MAP1B: variants seen among roughly 807,000 people sequenced by gnomAD.
The protein encoded by MAP1B is microtubule-associated protein 1B.
MAP1B carries 12 observed loss-of-function variants against 176.1 expected under a neutral mutation model. The observed-to-expected ratio is 0.07, with a 90% CI of 0.04 to 0.11. MAP1B has a LOEUF of 0.11. Ranked by LOEUF, MAP1B falls within the 10% of genes least tolerant of loss-of-function variation. The probability of loss-of-function intolerance (pLI) is 1.00; values close to 1 mark genes in which losing one functional copy is unlikely to be tolerated. For synonymous variants in MAP1B, 1,044 were observed against 1,135.0 expected (o/e 0.92, Z 1.61); for missense variants, 2,523 against 2,990.5 (o/e 0.84, Z 3.65).
chr5:72,124,474 G>C (rs1314419049), intron 2 of MAP1B, among the ~76,000 whole-genome samples: 1 of 152,182 alleles, frequency 6.6e-6, no homozygotes, highest in African/African-American at 2.4e-5. Context: ...ATAAAAGTAA[G>C]TAATTAGGAA....
chr5:72,155,466 A>G (rs1746210767), intron 2 of MAP1B, among the ~76,000 whole-genome samples: 1 of 152,266 alleles, frequency 6.6e-6, no homozygotes, highest in South Asian at 2.1e-4. Flanking sequence ...ACTAACAATA[A>G]GAATATGTGA....
chr5:72,193,784 C>A, intron 4 of MAP1B, 82 bp from the exon 5 acceptor site: 1 of 1,417,900 alleles, frequency 7.1e-7, no homozygotes, highest in Non-Finnish European at 9.4e-7. Flanking sequence ...TCCTGTAACA[C>A]ATAGTTATAG....
intron 2 of MAP1B, among the ~76,000 whole-genome samples, chr5:72,152,263 A>G (rs1356172315): frequency 1.3e-5 from 2 of 151,998 alleles, no homozygotes; most frequent in East Asian, 3.9e-4. Context: ...GAGTGGAGAG[A>G]GGGACACAGT....
intron 2 of MAP1B, among the ~76,000 whole-genome samples, chr5:72,149,706 A>T (rs899035716): frequency 6.6e-6 from 1 of 152,176 alleles, no homozygotes; most frequent in Non-Finnish European, 1.5e-5. Context: ...TAGTGGGCTG[A>T]TGGGTTGGAA....
At chr5:72,146,950 A>G (rs1487357914) in intron 2 of MAP1B, among the ~76,000 whole-genome samples, 1 of 149,196 alleles carries the variant, frequency 6.7e-6, no homozygotes, top group African/African-American at 2.5e-5. Flanking sequence ...AATACATTTT[A>G]TCCAAATCTT....
chr5:72,193,333 C>A, intron 4 of MAP1B: 1 of 362,950 alleles, frequency 2.8e-6, no homozygotes, highest in South Asian at 2.0e-5. Context: ...TTTAAGGTAT[C>A]CATCAGGCCT....
intron 2 of MAP1B, among the ~76,000 whole-genome samples, chr5:72,173,021 C>T (rs986135829): frequency 1.3e-5 from 2 of 152,222 alleles, no homozygotes; most frequent in East Asian, 3.8e-4. Context: ...TGGTCTCCAT[C>T]CCAGTTCCGC....
intron 2 of MAP1B, among the ~76,000 whole-genome samples, chr5:72,161,943 C>A (rs138730185): frequency 2.9e-5 from 3 of 104,864 alleles, no homozygotes; most frequent in East Asian, 2.4e-4. Flanking sequence ...GGTGACAAAG[C>A]GAAATTCCGT....
chr5:72,194,708 C>A lies in MAP1B; in HGVS notation c.1353C>A (p.Phe451Leu). 1 of 1,614,180 alleles carries A rather than the reference C, an allele frequency of 6.2e-7. No homozygotes were observed. The highest frequency in any genetic ancestry group is 8.5e-7 in the Non-Finnish European group (1 of 1,180,028). Residue 451 changes from phenylalanine (F) to leucine (L), a missense_variant, in exon 5 of 7, where the codon TTC becomes TTA. By Grantham distance (22) the Phe-to-Leu change is conservative. Coordinates refer to ENST00000296755, the MANE Select transcript of MAP1B (RefSeq NM_005909.5). The surrounding 1 kb of genome is among the most constrained non-coding windows in gnomAD (Gnocchi z 7.2). ...GTACCAACAAAGACAAGGCTGAATT[C>A]ATTCTGCCTAATGGTCAAGAAGTAG... ...WTGTNKDKAEFILPNGQEVDL... is the reference protein window; with the variant it reads ...WTGTNKDKAELILPNGQEVDL...
In MAP1B at chr5:72,197,217, G is replaced by A. The variant is rs1224872405; in HGVS notation, c.3862G>A (p.Val1288Ile). 3 of 1,614,206 alleles carry A rather than the reference G, an allele frequency of 1.9e-6. No individual in the cohort carries two copies. The highest frequency in any genetic ancestry group is 2.5e-6 in the Non-Finnish European group (3 of 1,180,040). The change falls in exon 5 of 7, where the codon GTC becomes ATC. Residue 1288 changes from valine (V) to isoleucine (I), a missense_variant. This residue lies in a region of MAP1B where 1,925 missense variants were observed against 2,126.0 expected (regional missense o/e 0.91). Coordinates refer to ENST00000296755, the MANE Select transcript of MAP1B (RefSeq NM_005909.5). ...NFSLTPNEIKVSAEAEVAPVS... is the reference protein window; with the variant it reads ...NFSLTPNEIKISAEAEVAPVS... ...CTCTCTGACGCCCAATGAGATTAAA[G>A]TCTCTGCAGAGGCAGAAGTAGCCCC...
chr5:72,142,849 G>A (rs937680550), intron 2 of MAP1B, among the ~76,000 whole-genome samples: 2 of 152,066 alleles, frequency 1.3e-5, no homozygotes, highest in African/African-American at 4.8e-5. Flanking sequence ...TTTCGACTGT[G>A]TTTTTTATTC....
At chr5:72,125,422 C>T (rs1745609544) in intron 2 of MAP1B, among the ~76,000 whole-genome samples, 1 of 152,138 alleles carries the variant, frequency 6.6e-6, no homozygotes, top group Non-Finnish European at 1.5e-5. Flanking sequence ...TATGGTATCT[C>T]CTTTTGAAGG....
At chr5:72,122,504 A>T (rs1579983159) in intron 2 of MAP1B, among the ~76,000 whole-genome samples, 1 of 152,216 alleles carries the variant, frequency 6.6e-6, no homozygotes, top group African/African-American at 2.4e-5. Context: ...ATACAAGGGA[A>T]TTTTTTCCCT....
At chr5:72,131,749 A>T (rs1272600625) in intron 2 of MAP1B, among the ~76,000 whole-genome samples, 1 of 152,216 alleles carries the variant, frequency 6.6e-6, no homozygotes, top group Non-Finnish European at 1.5e-5. Context: ...GTTTATGTCC[A>T]TGGTACTTAG....
At chr5:72,109,702 C>T (rs1376901640) in intron 1 of MAP1B, among the ~76,000 whole-genome samples, 2 of 152,174 alleles carry the variant, frequency 1.3e-5, no homozygotes, top group Non-Finnish European at 2.9e-5. Context: ...ACCAGTACTG[C>T]AGCGTCACTC....
chr5:72,133,240 C>T (rs1431680729), intron 2 of MAP1B, among the ~76,000 whole-genome samples: 1 of 152,218 alleles, frequency 6.6e-6, no homozygotes, highest in Non-Finnish European at 1.5e-5. Context: ...GATCCTCCTG[C>T]CTCTGCCTGT....
intron 2 of MAP1B, among the ~76,000 whole-genome samples, chr5:72,167,135 A>G (rs149498584): frequency 7.2e-5 from 11 of 152,198 alleles, no homozygotes; most frequent in African/African-American, 2.6e-4. Context: ...AAAGGGAAAC[A>G]GGGGATCCAA....
chr5:72,111,492 G>T (rs1476600129), intron 1 of MAP1B, among the ~76,000 whole-genome samples: 4 of 152,144 alleles, frequency 2.6e-5, no homozygotes, highest in Non-Finnish European at 5.9e-5. Context: ...GTCTAAGATG[G>T]TAAGAGAATT....
chr5:72,191,723 A>G (rs570277110), intron 4 of MAP1B, among the ~76,000 whole-genome samples: 1 of 152,362 alleles, frequency 6.6e-6, no homozygotes, highest in South Asian at 2.1e-4. Flanking sequence ...AACCTGTCAA[A>G]GCAATGCTGG....
Sources: allele counts gnomAD v4.1 joint callset (sites outside exome capture counted in the v4.1 genomes callset), GRCh38; gene constraint gnomAD v4.1.1; regional missense constraint gnomAD v4.1.1; non-coding constraint Gnocchi (gnomAD v3.1); transcripts MANE v1.5; gene names NCBI Gene and HGNC (gene_info 2026-07-23, HGNC 2026-07-21).